Variants in STPG2 observed in about 807,000 individuals in gnomAD.
The protein encoded by STPG2 is sperm-tail PG-rich repeat-containing protein 2.
Under a neutral mutation model 54.2 loss-of-function variants are expected in STPG2, and 56 were observed. The observed-to-expected ratio is 1.03, with a 90% CI of 0.83 to 1.29. STPG2 has a LOEUF of 1.29. STPG2 is among the 50% of genes most tolerant of loss of function. STPG2 has a pLI of 0.00. For missense variants in STPG2, 596 were observed against 544.9 expected (o/e 1.09, Z -0.93); for synonymous variants, 200 against 181.8 (o/e 1.10, Z -0.81).
intron 10 of STPG2, among the ~76,000 whole-genome samples, chr4:97,628,568 T>TGC (rs1360215014): frequency 1.2e-4 from 18 of 152,188 alleles, no homozygotes; most frequent in African/African-American, 3.9e-4. Flanking sequence ...ATCACTGTGC[T>TGC]TAGCAATTAA....
At chr4:97,973,109 G>C (rs1578746635) in intron 6 of STPG2, among the ~76,000 whole-genome samples, 1 of 152,200 alleles carries the variant, frequency 6.6e-6, no homozygotes, top group East Asian at 1.9e-4. Flanking sequence ...GAAGAAGACA[G>C]AAAAATATGG....
chr4:97,696,106 C>T (rs2148993395), intron 10 of STPG2, among the ~76,000 whole-genome samples: 1 of 152,270 alleles, frequency 6.6e-6, no homozygotes, highest in African/African-American at 2.4e-5. Flanking sequence ...CATTACCCAA[C>T]TTCAAACTAT....
At chr4:97,593,559 G>A (rs1384621899) in intron 10 of STPG2, among the ~76,000 whole-genome samples, 16 of 152,138 alleles carry the variant, frequency 1.1e-4, no homozygotes, top group Non-Finnish European at 1.6e-4. Context: ...GAGTTCAGCA[G>A]CCCAACGCCT....
chr4:97,587,033 C>G (rs1733019172), intron 10 of STPG2, among the ~76,000 whole-genome samples: 1 of 151,786 alleles, frequency 6.6e-6, no homozygotes, highest in South Asian at 2.1e-4. Flanking sequence ...ATCAAAGTGG[C>G]TATAAAGGTA....
intron 1 of STPG2, among the ~76,000 whole-genome samples, chr4:98,140,299 A>G (rs561015472): frequency 6.6e-6 from 1 of 152,268 alleles, no homozygotes; most frequent in South Asian, 2.1e-4. Flanking sequence ...AACATGAAGA[A>G]CATTATAAAC....
intron 5 of STPG2, among the ~76,000 whole-genome samples, chr4:98,063,375 G>A (rs1159353635): frequency 6.6e-6 from 1 of 152,062 alleles, no homozygotes; most frequent in Non-Finnish European, 1.5e-5. Context: ...CTGGAACACG[G>A]GAGGTGGAGA....
chr4:97,818,962 T>A (rs1272997731), intron 9 of STPG2, among the ~76,000 whole-genome samples: 1 of 147,670 alleles, frequency 6.8e-6, no homozygotes, highest in Non-Finnish European at 1.5e-5. Context: ...ATATACATAT[T>A]TATATATAAT....
At chr4:97,693,440 G>A (rs562978889) in intron 10 of STPG2, among the ~76,000 whole-genome samples, 155 of 152,030 alleles carry the variant, frequency 1.0e-3, no homozygotes, top group African/African-American at 3.5e-3. Context: ...AAAGACATAC[G>A]GAAATTGTAA....
chr4:97,879,525 C>T (rs988068845), intron 8 of STPG2, among the ~76,000 whole-genome samples: 2 of 152,084 alleles, frequency 1.3e-5, no homozygotes, highest in Admixed American at 6.5e-5. Flanking sequence ...CCTTATAAAG[C>T]CATCAGATCT....
At chr4:97,947,369 C>T (rs999309537) in intron 7 of STPG2, among the ~76,000 whole-genome samples, 1 of 151,980 alleles carries the variant, frequency 6.6e-6, no homozygotes, top group Non-Finnish European at 1.5e-5. Context: ...GTTTTACTTC[C>T]TTTTTTGCAA....
intron 9 of STPG2, among the ~76,000 whole-genome samples, chr4:97,740,783 C>T (rs1446572967): frequency 6.6e-6 from 1 of 152,166 alleles, no homozygotes; most frequent in Non-Finnish European, 1.5e-5. Flanking sequence ...AATGGCAATA[C>T]TGCCCAAGGT....
chr4:97,813,790 A>C (rs1385252295), intron 9 of STPG2, among the ~76,000 whole-genome samples: 1 of 150,876 alleles, frequency 6.6e-6, no homozygotes, highest in Non-Finnish European at 1.5e-5. Flanking sequence ...TTTTTAACTT[A>C]AGCATTACAA....
intron 10 of STPG2, among the ~76,000 whole-genome samples, chr4:97,681,397 T>G (rs996892218): frequency 6.6e-6 from 1 of 151,844 alleles, no homozygotes; most frequent in Non-Finnish European, 1.5e-5. Context: ...TGTGCTATGG[T>G]AGGTATCAGT....
chr4:97,722,630 T>C (rs1014902318), intron 9 of STPG2, among the ~76,000 whole-genome samples: 1 of 152,098 alleles, frequency 6.6e-6, no homozygotes, highest in Non-Finnish European at 1.5e-5. Flanking sequence ...AGAGGGAACA[T>C]GAGTCTTTCT....
intron 5 of STPG2, among the ~76,000 whole-genome samples, chr4:98,071,481 T>C (rs1279006569): frequency 6.6e-6 from 1 of 152,018 alleles, no homozygotes; most frequent in African/African-American, 2.4e-5. Flanking sequence ...ATCTAGGCAA[T>C]ACCATTCAGG....
intron 3 of STPG2, among the ~76,000 whole-genome samples, chr4:98,116,219 T>A (rs376406964): frequency 1.3e-4 from 19 of 151,540 alleles, no homozygotes; most frequent in African/African-American, 4.1e-4. Flanking sequence ...GGCATCATTG[T>A]GGCCTTCTAA....
At chr4:97,564,356 C>G (rs1225106001) in intron 10 of STPG2, among the ~76,000 whole-genome samples, 1 of 152,154 alleles carries the variant, frequency 6.6e-6, no homozygotes, top group Non-Finnish European at 1.5e-5. Context: ...TTCCTGAATA[C>G]AGCACACTGA....
intron 10 of STPG2, among the ~76,000 whole-genome samples, chr4:97,616,206 C>T (rs1449771117): frequency 6.7e-6 from 1 of 149,500 alleles, no homozygotes; most frequent in Non-Finnish European, 1.5e-5. Flanking sequence ...ATGAAGGTTC[C>T]TAAAGAAGTC....
intron 9 of STPG2, among the ~76,000 whole-genome samples, chr4:97,733,527 T>G (rs1463885307): frequency 6.6e-6 from 1 of 151,998 alleles, no homozygotes; most frequent in Non-Finnish European, 1.5e-5. Context: ...GCAAATTCAC[T>G]ACTATATAAT....
Sources: allele counts gnomAD v4.1 joint callset (sites outside exome capture counted in the v4.1 genomes callset), GRCh38; gene constraint gnomAD v4.1.1; transcripts MANE v1.5; gene names NCBI Gene and HGNC (gene_info 2026-07-23, HGNC 2026-07-21).